The following PFKFB3 variants were observed in gnomAD, a reference collection of about 807,000 sequenced individuals.
PFKFB3 encodes 6-phosphofructo-2-kinase/fructose-2,6-biphosphatase 3.
In PFKFB3, 33 loss-of-function variants were observed where a neutral mutation model predicts 68.0. The ratio of observed to expected loss-of-function variants is 0.49; its 90% confidence interval spans 0.37 to 0.65. The LOEUF (loss-of-function observed/expected upper bound fraction) is 0.65, where lower values mean the gene tolerates loss of function less well. Ranked by LOEUF, PFKFB3 falls within the 30% of genes least tolerant of loss-of-function variation. The pLI is 0.00. For synonymous variants in PFKFB3, 315 were observed against 288.2 expected, an observed-to-expected ratio of 1.09 and a Z score of -0.94; for missense variants, 586 against 712.2, an observed-to-expected ratio of 0.82 and a Z score of 2.02.
In PFKFB3 at chr10:6,216,148, G is replaced by C; in HGVS notation, c.323G>C (p.Arg108Thr). Residue 108 changes from arginine to threonine, a missense_variant, in exon 4 of 15, where the codon AGA (arginine) becomes ACA (threonine). Transcript: ENST00000379775. ...VRKQCALAAL[R>T]DVKSYLAKEG... is the part of the protein sequence containing the mutation. ...AGGCAATGTGCCTTAGCTGCCTTGAGAGATGTCAAAAGCTACCTGGCGAAA... is the reference window on the plus strand; with the variant it reads ...AGGCAATGTGCCTTAGCTGCCTTGACAGATGTCAAAAGCTACCTGGCGAAA... The C allele has an allele frequency of 1.9e-6, 3 of 1,614,182 alleles. No individual in the cohort carries two copies. The highest frequency in any genetic ancestry group is 2.5e-6 in the Non-Finnish European group (3 of 1,180,018).
intron 1 of PFKFB3, among the ~76,000 whole-genome samples, chr10:6,161,627 T>C (rs563720338): frequency 9.9e-4 from 77 of 78,068 alleles, no homozygotes; most frequent in African/African-American, 2.1e-3. Flanking sequence ...CACACACACA[T>C]ATATATATAT....
intron 1 of PFKFB3, among the ~76,000 whole-genome samples, chr10:6,177,330 T>C (rs1842501913): frequency 6.7e-6 from 1 of 148,722 alleles, no homozygotes; most frequent in South Asian, 2.2e-4. Context: ...TAAAACGGAG[T>C]TTGTGGGATG....
chr10:6,169,431 C>T (rs1307444076), intron 1 of PFKFB3, among the ~76,000 whole-genome samples: 2 of 150,930 alleles, frequency 1.3e-5, no homozygotes, highest in African/African-American at 2.5e-5. Context: ...CCTGGGCCAC[C>T]ATGGAGTTGT....
chr10:6,203,843 GTC>G (rs1748071297), intron 1 of PFKFB3, among the ~76,000 whole-genome samples: 1 of 152,160 alleles, frequency 6.6e-6, no homozygotes, highest in African/African-American at 2.4e-5. Flanking sequence ...CGATATATAT[GTC>G]TCTGTTTTTC....
intron 1 of PFKFB3, among the ~76,000 whole-genome samples, chr10:6,208,990 G>T (rs1843981139): frequency 6.6e-6 from 1 of 152,222 alleles, no homozygotes. Flanking sequence ...GACAGCCAGG[G>T]CTTAGCCCAA....
intron 1 of PFKFB3, among the ~76,000 whole-genome samples, chr10:6,207,402 G>A (rs1237806952): frequency 3.9e-5 from 6 of 152,220 alleles, no homozygotes; most frequent in East Asian, 1.9e-4. Context: ...GTCCAGCTTT[G>A]GCTCGGCATC....
chr10:6,176,202 C>T (rs1298709559), intron 1 of PFKFB3, among the ~76,000 whole-genome samples: 1 of 152,130 alleles, frequency 6.6e-6, no homozygotes, highest in African/African-American at 2.4e-5. Flanking sequence ...GGGAAGGAAA[C>T]CAGGCCAAGT....
At chr10:6,266,293 T>A in the PFKFB3 span, among the ~76,000 whole-genome samples, 1 of 152,244 alleles carries the variant, frequency 6.6e-6, no homozygotes, top group African/African-American at 2.4e-5. Flanking sequence ...ACACTCAAAT[T>A]GTCCCAGATT....
rs921149266 is a variant in PFKFB3, at chr10:6,226,205, G to A, written c.1355G>A (p.Gly452Glu). Residue 452 changes from glycine (G) to glutamate (E), a missense_variant, in exon 14 of 15, where the codon GGA (glycine) becomes GAA (glutamate). Transcript: ENST00000379775. ...HRERSEDAKK[G>E]PNPLMRRNSV... ...TGTCTTGCTTAGGATGCAAAGAAGG[G>A]ACCTAACCCGCTCATGAGACGCAAT... is the stretch of plus-strand genomic sequence containing the variant. 6.2e-7 allele frequency: 1 copy of A among 1,605,756 alleles called. No homozygotes were observed. Among genetic ancestry groups the A allele is most frequent in the Admixed American group, 1.7e-5 (1 of 58,446 alleles).
chr10:6,307,828 TGA>T, the PFKFB3 span, among the ~76,000 whole-genome samples: 1 of 152,280 alleles, frequency 6.6e-6, no homozygotes, highest in East Asian at 1.9e-4. Flanking sequence ...GCAGCGGTGT[TGA>T]GAGATGGGAC....
At chr10:6,269,562 G>T in the PFKFB3 span, among the ~76,000 whole-genome samples, 2 of 152,140 alleles carry the variant, frequency 1.3e-5, no homozygotes, top group Non-Finnish European at 2.9e-5. Context: ...TGGGGAAAAT[G>T]CAGTGAATAT....
intron 1 of PFKFB3, among the ~76,000 whole-genome samples, chr10:6,159,260 C>T (rs147628422): frequency 0.011 from 1,653 of 151,826 alleles, 67 homozygotes; most frequent in East Asian, 0.1. Context: ...CCAGGCGTGG[C>T]GGTGGGCACC....
At chr10:6,247,594 C>G (rs1056101174) in intron 14 of PFKFB3, among the ~76,000 whole-genome samples, 6 of 152,204 alleles carry the variant, frequency 3.9e-5, no homozygotes, top group Admixed American at 1.3e-4. Flanking sequence ...GAGCCCTGTC[C>G]CATTCCACTG....
intron 14 of PFKFB3, chr10:6,231,513 C>G (rs943661958): frequency 2.0e-6 from 2 of 985,224 alleles, no homozygotes; most frequent in African/African-American, 1.7e-5. Flanking sequence ...GGGTGAAGGA[C>G]GTGGACATCA....
At chr10:6,287,800 GCTAT>G in the PFKFB3 span, among the ~76,000 whole-genome samples, 2 of 151,896 alleles carry the variant, frequency 1.3e-5, no homozygotes, top group East Asian at 1.9e-4. Flanking sequence ...TGAACAAACT[GCTAT>G]CTGTTAGATC....
Position 6,220,531 on chromosome 10 carries a change from T to C in PFKFB3, c.624-127T>C. 1 of 767,534 alleles carries C rather than the reference T, an allele frequency of 1.3e-6. No homozygotes were observed. The highest frequency in any genetic ancestry group is 2.2e-6 in the Non-Finnish European group (1 of 456,212). 47.5% of individuals were successfully genotyped at this position (767,534 alleles called of 1,614,324 possible). A position where few individuals can be genotyped will look rare whatever the true frequency, so the allele number is the denominator to read the frequency against. ...CTCTGCCCCTTAGAAGGATTCAGTC[T>C]GTGCCCTGGAGGGGCCTACGGTCCC... On this transcript the variant is annotated intron_variant, in intron 7 of 14. Coordinates refer to ENST00000379775, the MANE Select transcript of PFKFB3 (RefSeq NM_004566.4). The surrounding 1 kb of genome is among the most constrained non-coding windows in gnomAD (Gnocchi z 4.1).
At chr10:6,285,216 A>G in the PFKFB3 span, among the ~76,000 whole-genome samples, 33 of 151,502 alleles carry the variant, frequency 2.2e-4, no homozygotes, top group Non-Finnish European at 4.6e-4. Flanking sequence ...CACAAGTGCT[A>G]CAATCTCTAT....
chr10:6,145,848 C>T (rs920514598), intron 1 of PFKFB3, among the ~76,000 whole-genome samples: 1 of 152,230 alleles, frequency 6.6e-6, no homozygotes, highest in Admixed American at 6.5e-5. Flanking sequence ...GTGTTCCTAC[C>T]CGCACCGGGG....
chr10:6,203,159 C>T lies in PFKFB3; in HGVS notation c.-102C>T. On this transcript the variant is annotated 5_prime_UTR_variant, in exon 1 of 15. Coordinates refer to ENST00000379775, the MANE Select transcript of PFKFB3 (RefSeq NM_004566.4). ...GGAAACGCCCGGCCGCGCGCCGGCG[C>T]ACGCCCCCCTCTCCTCCTTTGTTCC... The T allele has an allele frequency of 6.6e-7, 1 of 1,512,026 alleles. No homozygotes were observed. Among genetic ancestry groups the T allele is most frequent in the Non-Finnish European group, 8.8e-7 (1 of 1,132,972 alleles). 93.7% of individuals were successfully genotyped at this position (1,512,026 alleles called of 1,614,324 possible).
Sources: gnomAD v4.1 joint callset for allele counts (sites outside exome capture counted in the v4.1 genomes callset) on GRCh38, gnomAD v4.1.1 for gene constraint, Gnocchi (gnomAD v3.1) non-coding constraint, MANE v1.5 for transcripts, NCBI Gene and HGNC (gene_info 2026-07-23, HGNC 2026-07-21) for gene names.